NOS1: variants seen among roughly 807,000 people sequenced by gnomAD.
NOS1 encodes the protein NOS type I.
NOS1 carries 51 observed loss-of-function variants against 164.5 expected under a neutral mutation model. The ratio of observed to expected loss-of-function variants is 0.31; its 90% CI spans 0.25 to 0.39. The LOEUF is 0.39. Among genes scored for constraint, NOS1 ranks in the 10% least tolerant of loss-of-function variants. The pLI is 1.00. For synonymous variants in NOS1, 719 were observed against 745.8 expected, an observed-to-expected ratio of 0.96 and a Z score of 0.59; for missense variants, 1,362 against 1,885.6, an observed-to-expected ratio of 0.72 and a Z score of 5.14.
chr12:117,283,748 C>T (rs1382957920), intron 7 of NOS1, among the ~76,000 whole-genome samples: 2 of 148,040 alleles, frequency 1.4e-5, no homozygotes, highest in African/African-American at 5.0e-5. Flanking sequence ...CCCAGATACT[C>T]GGGAGGCTGA....
At chr12:117,301,357 G>A (rs1015182223) in intron 3 of NOS1, among the ~76,000 whole-genome samples, 6 of 152,102 alleles carry the variant, frequency 3.9e-5, no homozygotes, top group African/African-American at 1.2e-4. Flanking sequence ...TCAAATTCCC[G>A]ACCTAAAGTG....
In NOS1 at chr12:117,286,208, T is replaced by C. The variant is rs1231615758; in HGVS notation, c.1186A>G (p.Thr396Ala). The change falls in exon 6 of 29, where the codon ACT becomes GCT. Residue 396 changes from threonine (T) to alanine (A), a missense_variant. By Grantham distance (58) the Thr-to-Ala change is moderately conservative (BLOSUM62 0). Coordinates refer to ENST00000317775, the MANE Select transcript of NOS1 (RefSeq NM_000620.5). ...GTGTCCTTGAGCTGGTAAGTGCTAG[T>C]GGTGTCGATCTCTTTGTTCACCTCT... ...LEEVNKEIDT[T>A]STYQLKDTEL... The C allele has an allele frequency of 1.9e-6, 3 of 1,614,204 alleles. No homozygotes were observed. Among genetic ancestry groups the C allele is most frequent in the East Asian group, 4.5e-5 (2 of 44,876 alleles).
At position 117,211,042 on chromosome 12, in the gene NOS1, C is replaced by T. The variant is rs1260025039; in HGVS notation, c.*4267G>A. On this transcript the variant is annotated 3_prime_UTR_variant, in exon 29 of 29. Coordinates refer to ENST00000317775, the MANE Select transcript of NOS1 (RefSeq NM_000620.5). ...TACAATCTTGGCTCACTGCAGCCTC[C>T]ACCTCCTGGGCTCAAGCGATCCTCC... The T allele has an allele frequency of 4.2e-6, 3 of 722,822 alleles. No homozygotes were observed. Among genetic ancestry groups the T allele is most frequent in the Admixed American group, 6.3e-5 (1 of 15,888 alleles). 44.8% of individuals were successfully genotyped at this position (722,822 alleles called of 1,614,324 possible). A position where few individuals can be genotyped will look rare whatever the true frequency, so the allele number is the denominator to read the frequency against.
At chr12:117,291,039 C>T (rs949501114) in intron 3 of NOS1, among the ~76,000 whole-genome samples, 4 of 152,050 alleles carry the variant, frequency 2.6e-5, no homozygotes, top group African/African-American at 4.8e-5. Flanking sequence ...TTGGTGAAAC[C>T]TTGTCTCTAT....
Position 117,312,596 on chromosome 12 carries a change from T to A in NOS1, c.726-1004A>T, listed in dbSNP as rs368687827. Among the ~76,000 whole-genome samples the A allele has an allele frequency of 1.2e-3, 177 of 152,088 alleles. 2 individuals carry two copies. Among genetic ancestry groups the A allele is most frequent in the African/African-American group, 3.9e-3 (162 of 41,496 alleles). On this transcript the variant is annotated intron_variant, in intron 2 of 28. Coordinates refer to ENST00000317775, the MANE Select transcript of NOS1 (RefSeq NM_000620.5). ...ATGTCTGCCTAATTTTTTTTTTTTT[T>A]ATTTTCTGTACAGATAGGGTCTCAC... is the stretch of plus-strand genomic sequence containing the variant.
At chr12:117,343,599 C>G (rs1441580039) in intron 1 of NOS1, among the ~76,000 whole-genome samples, 2 of 152,148 alleles carry the variant, frequency 1.3e-5, no homozygotes, top group East Asian at 3.9e-4. Context: ...AATGATTAAG[C>G]AAGATGGACA....
At chr12:117,240,298 T>A (rs1438837878) in intron 20 of NOS1, among the ~76,000 whole-genome samples, 6 of 152,204 alleles carry the variant, frequency 3.9e-5, no homozygotes, top group Non-Finnish European at 7.3e-5. Flanking sequence ...TGTTTGAGAA[T>A]CTAAGAGAGA....
At chr12:117,288,568 A>T (rs1252334016) in intron 4 of NOS1, among the ~76,000 whole-genome samples, 3 of 152,210 alleles carry the variant, frequency 2.0e-5, no homozygotes, top group Admixed American at 2.0e-4. Context: ...ATTTGAATGC[A>T]TCTATGATAG....
intron 2 of NOS1, among the ~76,000 whole-genome samples, chr12:117,323,839 T>C (rs1843019): frequency 0.49 from 74,563 of 151,720 alleles, 18,684 homozygotes; most frequent in African/African-American, 0.57. Flanking sequence ...TGGAGTGCAG[T>C]GAGGCGATTT....
intron 28 of NOS1, among the ~76,000 whole-genome samples, chr12:117,216,573 G>C (rs1258888728): frequency 1.3e-5 from 2 of 151,852 alleles, no homozygotes; most frequent in Non-Finnish European, 2.9e-5. Context: ...GATCTCCCTG[G>C]GATCAGGCCA....
intron 17 of NOS1, among the ~76,000 whole-genome samples, chr12:117,250,531 G>A (rs1368510592): frequency 6.6e-6 from 1 of 152,028 alleles, no homozygotes; most frequent in African/African-American, 2.4e-5. Context: ...GTTTCACCAT[G>A]TTGGTCATGC....
rs191657932 is a variant in NOS1 at position 117,232,961 on chromosome 12, G to A, written c.3236-830C>T. On this transcript the variant is annotated intron_variant, in intron 21 of 28. Coordinates refer to ENST00000317775, the MANE Select transcript of NOS1 (RefSeq NM_000620.5). ...CAACTCACTGTAGCCTTGAACTCCC[G>A]GGCTCAAGTAATCCTCCCACCTCAT... 7.0e-3 allele frequency among the ~76,000 whole-genome samples: 1,060 copies of A among 151,270 alleles called. 10 individuals are homozygous for A. Among genetic ancestry groups the A allele is most frequent in the Non-Finnish European group, 6.7e-3 (453 of 67,902 alleles).
chr12:117,298,576 G>A (rs930700818), intron 3 of NOS1, among the ~76,000 whole-genome samples: 9 of 152,134 alleles, frequency 5.9e-5, no homozygotes, highest in Non-Finnish European at 1.2e-4. Context: ...CTTTACAGAG[G>A]AAATCAAGTT....
intron 6 of NOS1, 64 bp downstream of exon 6, chr12:117,286,040 T>C (rs1874088860): frequency 6.3e-7 from 1 of 1,575,104 alleles, no homozygotes; most frequent in Non-Finnish European, 8.7e-7. Flanking sequence ...TAAAGCTCCA[T>C]CCACTCCCCT....
At position 117,311,469 on chromosome 12, in the gene NOS1, C is replaced by A; in HGVS notation, c.849G>T (p.Glu283Asp). 1 of 1,604,866 alleles carries A rather than the reference C, an allele frequency of 6.2e-7. No homozygotes were observed. Among genetic ancestry groups the A allele is most frequent in the Non-Finnish European group, 8.5e-7 (1 of 1,175,970 alleles). Residue 283 changes from glutamate (E) to aspartate (D), a missense_variant, in exon 3 of 29, where the codon GAG becomes GAT. Physicochemically the swap from Glu to Asp is conservative, Grantham distance 45. Transcript: ENST00000317775. The stretch of plus-strand genomic sequence containing the variant: ...CAGCTTGGCATCAAGCACTTACCTG[C>A]TCCTTCTCTGAATATGGGTTGTTGA... ...VVLNNPYSEK[E>D]QPPTSGKQSP...
Position 117,272,312 on chromosome 12 carries a change from G to C in NOS1, c.1839+73C>G. ...GTTTCCAAGCCACCAAGCTCGCCGTGGGGAAGGGGACTGCTGAGCTGGCAC... is the reference window on the plus strand; with the variant it reads ...GTTTCCAAGCCACCAAGCTCGCCGTCGGGAAGGGGACTGCTGAGCTGGCAC... On this transcript the variant is annotated intron_variant, in intron 10 of 28. Transcript: ENST00000317775. This position sits in a 1 kb window ranked among gnomAD's most constrained non-coding sequence, Gnocchi z 4.3. 3 of 1,539,728 alleles carry C rather than the reference G, an allele frequency of 1.9e-6. No homozygotes were observed. The highest frequency in any genetic ancestry group is 2.7e-6 in the Non-Finnish European group (3 of 1,119,284).
intron 2 of NOS1, among the ~76,000 whole-genome samples, chr12:117,329,657 C>T (rs1875430660): frequency 6.6e-6 from 1 of 152,128 alleles, no homozygotes; most frequent in Non-Finnish European, 1.5e-5. Flanking sequence ...TGCCAGCTTT[C>T]CACCTGCAGA....
intron 7 of NOS1, among the ~76,000 whole-genome samples, chr12:117,283,056 A>ATATATATAT (rs1360367568): frequency 2.2e-5 from 2 of 92,954 alleles, no homozygotes; most frequent in African/African-American, 3.6e-5. Flanking sequence ...ATATATATAT[A>ATATATATAT]TTTTTTTTTT....
chr12:117,250,346 T>A (rs1238010720), intron 17 of NOS1, among the ~76,000 whole-genome samples: 2 of 149,616 alleles, frequency 1.3e-5, no homozygotes, highest in Non-Finnish European at 3.0e-5. Context: ...TTTTTTTTTT[T>A]AGACAGAGTT....
Sources: allele counts gnomAD v4.1 joint callset (sites outside exome capture counted in the v4.1 genomes callset), GRCh38; gene constraint gnomAD v4.1.1; non-coding constraint Gnocchi (gnomAD v3.1); transcripts MANE v1.5; gene names NCBI Gene and HGNC (gene_info 2026-07-23, HGNC 2026-07-21).